KLHL10: variants seen among roughly 807,000 people sequenced by gnomAD.
KLHL10 encodes the protein kelch like family member 10, also known as kelch-like protein 10.
KLHL10 carries 11 observed loss-of-function variants against 46.6 expected under a neutral mutation model. The observed-to-expected ratio is 0.24, with a 90% CI of 0.15 to 0.39. The LOEUF is 0.39. KLHL10 is among the 10% of genes least tolerant of loss of function. The pLI, the probability that KLHL10 is intolerant of heterozygous loss-of-function variation, is 1.00. For synonymous variants in KLHL10, 254 were observed against 279.1 expected (o/e 0.91, Z 0.90); for missense variants, 475 against 789.8 (o/e 0.60, Z 4.78).
At chr17:41,839,867 C>T (rs141473839) in intron 1 of KLHL10, among the ~76,000 whole-genome samples, 1 of 146,806 alleles carries the variant, frequency 6.8e-6, no homozygotes, top group African/African-American at 2.5e-5. Flanking sequence ...TGTGTGCCAC[C>T]ACATCTGGCT....
At chr17:41,847,451 A>T in intron 4 of KLHL10, 41 bp downstream of exon 4, 2 of 1,610,914 alleles carry the variant, frequency 1.2e-6, no homozygotes, top group African/African-American at 2.7e-5. Context: ...AAAACACATT[A>T]CCCCTAGATT....
At position 41,842,022 on chromosome 17, in the gene KLHL10, C is replaced by G. The variant is rs1555620791; in HGVS notation, c.394C>G (p.Leu132Val). Residue 132 changes from leucine to valine, a missense_variant, in exon 2 of 5, where the codon CTC (leucine) becomes GTC (valine). Leu to Val is a conservative substitution (Grantham distance 32). Coordinates refer to ENST00000293303, the MANE Select transcript of KLHL10 (RefSeq NM_152467.5). ...TATCGTCAGGGGTTGCTGCGAGTTCCTCAAGTCAGAGCTGTGCTTGGATAA... is the reference window on the plus strand; with the variant it reads ...TATCGTCAGGGGTTGCTGCGAGTTCGTCAAGTCAGAGCTGTGCTTGGATAA... ...MGIVRGCCEF[L>V]KSELCLDNCI... The G allele has an allele frequency of 6.2e-7, 1 of 1,614,168 alleles. No homozygotes were observed. The highest frequency in any genetic ancestry group is 8.5e-7 in the Non-Finnish European group (1 of 1,180,036).
chr17:41,847,434 CACACAAA>C, intron 4 of KLHL10, 24 bp downstream of exon 4: 1 of 1,612,906 alleles, frequency 6.2e-7, no homozygotes, highest in Non-Finnish European at 8.5e-7. Flanking sequence ...GTACCACACA[CACACAAA>C]AAACACATTA....
rs2048276869 is a variant in KLHL10 at position 41,845,671 on chromosome 17, CA to C, written c.1232del (p.Asn411IlefsTer53). ...NTAERYEPET[N>X]QWTLIAPMHE... The stretch of plus-strand genomic sequence containing the variant: ...CTGCTGAACGTTATGAGCCAGAGAC[CA>C]ATCAATGGACACTCATCGCCCCCAT... On this transcript the variant is annotated frameshift_variant, in exon 3 of 5. Coordinates refer to ENST00000293303, the MANE Select transcript of KLHL10 (RefSeq NM_152467.5). LOFTEE classifies it high-confidence loss of function. 6.2e-7 allele frequency: 1 copy of C among 1,611,496 alleles called. No individual in the cohort carries two copies. The highest frequency in any genetic ancestry group is 8.5e-7 in the Non-Finnish European group (1 of 1,178,062).
chr17:41,844,244 T>G (rs1418963768), intron 2 of KLHL10, among the ~76,000 whole-genome samples: 1 of 151,434 alleles, frequency 6.6e-6, no homozygotes, highest in Non-Finnish European at 1.5e-5. Context: ...TTTTTCTTTT[T>G]TTTTGAGTTG....
rs1227416179 is a variant in KLHL10 at position 41,845,186 on chromosome 17, G to A, written c.745G>A (p.Val249Ile). 1.9e-6 allele frequency: 3 copies of A among 1,614,216 alleles called. No homozygotes were observed. The highest frequency in any genetic ancestry group is 2.5e-6 in the Non-Finnish European group (3 of 1,180,030). Residue 249 changes from valine (V) to isoleucine (I), a missense_variant, in exon 3 of 5, where the codon GTC becomes ATC. Coordinates refer to ENST00000293303, the MANE Select transcript of KLHL10 (RefSeq NM_152467.5). ...GAACAATGTTAAGATGAATGACTAT[G>A]TCAAAGACAGTGAGGAATGCAAACC... The part of the protein sequence containing the change: ...FMNNVKMNDY[V>I]KDSEECKPVI...
intron 2 of KLHL10, among the ~76,000 whole-genome samples, chr17:41,843,515 A>C (rs868940155): frequency 0.046 from 6,946 of 151,874 alleles, 537 homozygotes; most frequent in African/African-American, 0.16. Context: ...AATTAACAAA[A>C]AAAAAAAAAA....
intron 1 of KLHL10, 140 bp downstream of exon 1, chr17:41,838,266 A>T (rs888645505): frequency 3.9e-6 from 3 of 777,370 alleles, no homozygotes; most frequent in Admixed American, 5.4e-5. Context: ...AATTAAAAAA[A>T]AATTTTTTTT....
At chr17:41,836,048 G>C (rs2048150899), upstream of KLHL10, 2 of 1,413,668 alleles carry the variant, frequency 1.4e-6, no homozygotes, top group Non-Finnish European at 1.8e-6. Flanking sequence ...TGTGAGGCGG[G>C]GCCGGGGTGC....
Position 41,842,243 on chromosome 17 carries a change from G to C in KLHL10, c.615G>C (p.Glu205Asp). ...LNVKQEDAVF[E>D]AILKWISHDP... ...TCAAACAGGAAGATGCTGTATTTGA[G>C]GCCATTTTAAAGTGGATTTCTCATG... The change falls in exon 2 of 5, where the codon GAG (glutamate) becomes GAC (aspartate). Residue 205 changes from glutamate to aspartate, a missense_variant. Glu to Asp is a conservative substitution (Grantham distance 45). Transcript: ENST00000293303. The C allele has an allele frequency of 6.2e-7, 1 of 1,614,062 alleles. No individual in the cohort carries two copies. Among genetic ancestry groups the C allele is most frequent in the Non-Finnish European group, 8.5e-7 (1 of 1,180,012 alleles).
chr17:41,836,150 C>G, upstream of KLHL10: 1 of 1,307,552 alleles, frequency 7.6e-7, no homozygotes. Flanking sequence ...AGTCCGGGCC[C>G]GCCCCACTCC....
intron 3 of KLHL10, 127 bp downstream of exon 3, chr17:41,845,870 C>A: frequency 1.6e-6 from 2 of 1,221,042 alleles, no homozygotes; most frequent in Admixed American, 2.0e-5. Flanking sequence ...ATTCTTTCTT[C>A]AATTGACAAG....
At chr17:41,846,536 CAA>C (rs1286996804) in intron 3 of KLHL10, among the ~76,000 whole-genome samples, 28 of 115,260 alleles carry the variant, frequency 2.4e-4, no homozygotes, top group Admixed American at 3.6e-4. Flanking sequence ...ACTCCGTCTC[CAA>C]AAAAAAAAAA....
At chr17:41,842,445 A>C (rs2048235951) in intron 2 of KLHL10, 133 bp downstream of exon 2, 1 of 1,135,086 alleles carries the variant, frequency 8.8e-7, no homozygotes, top group Non-Finnish European at 1.3e-6. Flanking sequence ...GGAATTTTGC[A>C]ACTGTCTTTT....
At chr17:41,844,433 C>T (rs148029598) in intron 2 of KLHL10, among the ~76,000 whole-genome samples, 4,144 of 151,776 alleles carry the variant, frequency 0.027, 93 homozygotes, top group Non-Finnish European at 0.042. Context: ...GGTTTCACCA[C>T]GTTGACCAGG....
At chr17:41,838,458 C>T (rs2048192042) in intron 1 of KLHL10, among the ~76,000 whole-genome samples, 1 of 151,828 alleles carries the variant, frequency 6.6e-6, no homozygotes, top group Non-Finnish European at 1.5e-5. Context: ...GAGGGAGTCT[C>T]GCTATGTTGC....
chr17:41,844,118 G>C (rs2048256157), intron 2 of KLHL10, among the ~76,000 whole-genome samples: 2 of 151,616 alleles, frequency 1.3e-5, no homozygotes, highest in African/African-American at 4.8e-5. Flanking sequence ...GGAGTGCTGT[G>C]GTGTGATCAC....
intron 1 of KLHL10, 152 bp from the exon 2 acceptor site, chr17:41,841,671 G>A: frequency 3.6e-6 from 3 of 836,140 alleles, no homozygotes; most frequent in Non-Finnish European, 5.9e-6. Context: ...CACAAGGTAA[G>A]AGTGACCAAA....
intron 3 of KLHL10, among the ~76,000 whole-genome samples, chr17:41,847,005 C>T (rs2048295181): frequency 6.6e-6 from 1 of 152,128 alleles, no homozygotes; most frequent in East Asian, 1.9e-4. Context: ...GTCCCAGCTA[C>T]TCCAGATGCT....
Sources: gnomAD v4.1 joint callset for allele counts (sites outside exome capture counted in the v4.1 genomes callset) on GRCh38, gnomAD v4.1.1 for gene constraint, MANE v1.5 for transcripts, NCBI Gene and HGNC (gene_info 2026-07-23, HGNC 2026-07-21) for gene names.